The following ATL2 variants were observed in gnomAD, a reference collection of about 807,000 sequenced individuals.
The protein encoded by ATL2 is atlastin GTPase 2.
Under a neutral mutation model 73.9 loss-of-function variants are expected in ATL2, and 31 were observed. The ratio of observed to expected loss-of-function variants is 0.42; its 90% confidence interval spans 0.32 to 0.57. The LOEUF is 0.57. Among genes scored for constraint, ATL2 ranks in the 20% least tolerant of loss-of-function variants. The probability of loss-of-function intolerance (pLI) is 0.14; values close to 1 mark genes in which losing one functional copy is unlikely to be tolerated. For synonymous variants in ATL2, 291 were observed against 237.5 expected (o/e 1.23, Z -2.07); for missense variants, 738 against 702.6 (o/e 1.05, Z -0.57).
upstream of ATL2, among the ~76,000 whole-genome samples, chr2:38,377,801 C>G (rs1185382261): frequency 6.6e-6 from 1 of 150,998 alleles, no homozygotes; most frequent in Non-Finnish European, 1.5e-5. Flanking sequence ...TTGCCAGTGC[C>G]CTGCTTTTCC....
At chr2:38,299,753 C>T (rs1432432645) in intron 10 of ATL2, among the ~76,000 whole-genome samples, 4 of 152,050 alleles carry the variant, frequency 2.6e-5, no homozygotes, top group Non-Finnish European at 4.4e-5. Context: ...ACTGTTTAAT[C>T]TACTATAAAA....
chr2:38,372,120 A>AT (rs775489366), intron 1 of ATL2, among the ~76,000 whole-genome samples: 4 of 106,700 alleles, frequency 3.7e-5, no homozygotes, highest in Non-Finnish European at 7.4e-5. Context: ...TTTCATGTTA[A>AT]TTGTTTTTTT....
At chr2:38,356,184 G>C in intron 1 of ATL2, among the ~76,000 whole-genome samples, 1 of 151,598 alleles carries the variant, frequency 6.6e-6, no homozygotes, top group East Asian at 1.9e-4. Context: ...CAAAATATTA[G>C]CATTTCAACC....
At chr2:38,355,796 T>C (rs1670627080) in intron 1 of ATL2, among the ~76,000 whole-genome samples, 1 of 151,084 alleles carries the variant, frequency 6.6e-6, no homozygotes, top group African/African-American at 2.4e-5. Flanking sequence ...GTCTTGCAGG[T>C]ACAAGCAATT....
chr2:38,345,956 G>A (rs148013253), intron 1 of ATL2, among the ~76,000 whole-genome samples: 4 of 152,290 alleles, frequency 2.6e-5, no homozygotes, highest in Admixed American at 6.5e-5. Context: ...AGCACCATAG[G>A]TGTAAGTTAA....
At chr2:38,369,005 A>C (rs879560509) in intron 1 of ATL2, among the ~76,000 whole-genome samples, 2 of 152,218 alleles carry the variant, frequency 1.3e-5, no homozygotes, top group Non-Finnish European at 2.9e-5. Flanking sequence ...ATTGCAAATT[A>C]AACTGTAATA....
At chr2:38,334,834 T>C (rs1195606669) in intron 2 of ATL2, among the ~76,000 whole-genome samples, 1 of 98,200 alleles carries the variant, frequency 1.0e-5, no homozygotes, top group Non-Finnish European at 2.3e-5. Context: ...TTCAACATTA[T>C]AGTTATAATT....
intron 9 of ATL2, among the ~76,000 whole-genome samples, chr2:38,307,588 A>T (rs969974012): frequency 1.3e-5 from 2 of 152,108 alleles, no homozygotes; most frequent in Non-Finnish European, 2.9e-5. Flanking sequence ...CCCTACAAGC[A>T]CAGGCAACCA....
intron 1 of ATL2, among the ~76,000 whole-genome samples, chr2:38,351,578 C>A (rs1670349591): frequency 6.6e-6 from 1 of 151,624 alleles, no homozygotes; most frequent in Non-Finnish European, 1.5e-5. Flanking sequence ...ACTACAACCT[C>A]CACCTCCCAG....
intron 1 of ATL2, among the ~76,000 whole-genome samples, chr2:38,346,982 C>G (rs1054923719): frequency 6.6e-6 from 1 of 152,242 alleles, no homozygotes; most frequent in African/African-American, 2.4e-5. Flanking sequence ...TTAAAAGACA[C>G]TTTCCAGGAA....
chr2:38,314,294 T>TA (rs990953734), intron 6 of ATL2, among the ~76,000 whole-genome samples: 39 of 149,572 alleles, frequency 2.6e-4, no homozygotes, highest in African/African-American at 4.9e-4. Flanking sequence ...TTACCACGTA[T>TA]AAAAAAAAAA....
intron 11 of ATL2, 51 bp downstream of exon 11, chr2:38,299,205 A>G: frequency 7.0e-7 from 1 of 1,426,006 alleles, no homozygotes; most frequent in South Asian, 1.6e-5. Context: ...TTTTTTTTTT[A>G]ATTTAAAAAT....
Position 38,343,379 on chromosome 2 carries a change from C to A in ATL2, c.252G>T (p.Leu84Phe), listed in dbSNP as rs765985582. 6.2e-7 allele frequency: 1 copy of A among 1,611,966 alleles called. No homozygotes were observed. The highest frequency in any genetic ancestry group is 8.5e-7 in the Non-Finnish European group (1 of 1,179,642). ...ELDEEALEQI[L>F]LQEHIRDLNI... ...TAAGATCTCGTATGTGCTCCTGTAG[C>A]AATATCTGCTCCAAAGCTTCTTCAT... Residue 84 changes from leucine to phenylalanine, a missense_variant, in exon 2 of 13, where the codon TTG becomes TTT. Leu to Phe is a conservative substitution (Grantham distance 22). Transcript: ENST00000378954.
chr2:38,314,705 T>C (rs761357026), intron 5 of ATL2, 41 bp from the exon 6 acceptor site: 122 of 1,339,932 alleles, frequency 9.1e-5, no homozygotes, highest in Admixed American at 7.5e-5. Context: ...TCTAAAGAGA[T>C]TGAAAGAAGA....
At position 38,311,465 on chromosome 2, in the gene ATL2, C is replaced by T. The variant is rs565114243; in HGVS notation, c.805-1018G>A. On this transcript the variant is annotated intron_variant, in intron 7 of 12. Transcript: ENST00000378954. ...AAAACCTGGAAACTACCTAAATCTC[C>T]CATCAACAGCAGAATGGAAAAACTG... Among the ~76,000 whole-genome samples the T allele has an allele frequency of 6.2e-4, 94 of 152,154 alleles. 1 individual carries two copies. The highest frequency in any genetic ancestry group is 2.2e-3 in the African/African-American group (91 of 41,520).
intron 1 of ATL2, among the ~76,000 whole-genome samples, chr2:38,369,925 G>C (rs1671569204): frequency 6.6e-6 from 1 of 150,676 alleles, no homozygotes; most frequent in South Asian, 2.1e-4. Flanking sequence ...GCCGAGGCAG[G>C]TGGATCACGA....
chr2:38,303,857 C>T (rs939385107), intron 9 of ATL2, among the ~76,000 whole-genome samples: 4 of 152,094 alleles, frequency 2.6e-5, no homozygotes, highest in African/African-American at 7.2e-5. Context: ...CCTGGCTGGG[C>T]GTGGTGGCTC....
At chr2:38,310,630 T>A (rs1467743964) in intron 7 of ATL2, among the ~76,000 whole-genome samples, 183 bp from the exon 8 acceptor site, 1 of 99,138 alleles carries the variant, frequency 1.0e-5, no homozygotes, top group African/African-American at 7.8e-5. Flanking sequence ...AAGACCCCAC[T>A]TTTTTTTTTT....
At position 38,339,690 on chromosome 2, in the gene ATL2, TTTTA is replaced by T. The variant is rs141864418; in HGVS notation, c.363+3574_363+3577del. ...TCATACAGCAGAATATTTATTTTTATTTTATTTATTTATTTTTGAGACAGAGTTT... is the reference window on the plus strand; with the variant it reads ...TCATACAGCAGAATATTTATTTTTATTTTATTTATTTTTGAGACAGAGTTT... On this transcript the variant is annotated intron_variant, in intron 2 of 12. Transcript: ENST00000378954. Among the ~76,000 whole-genome samples, 1,049 of 152,280 alleles carry T rather than the reference TTTTA, an allele frequency of 6.9e-3. 13 individuals are homozygous for T. The highest frequency in any genetic ancestry group is 0.058 in the East Asian group (301 of 5,184).
Sources: allele counts gnomAD v4.1 joint callset (sites outside exome capture counted in the v4.1 genomes callset), GRCh38; gene constraint gnomAD v4.1.1; transcripts MANE v1.5; gene names NCBI Gene and HGNC (gene_info 2026-07-23, HGNC 2026-07-21).